The following B3GALT1 variants were observed in gnomAD, a reference collection of about 807,000 sequenced individuals.
The protein encoded by B3GALT1 is UDP-Gal:betaGlcNAc beta 1,3-galactosyltransferase, polypeptide 1.
A neutral mutation model predicts 23.2 loss-of-function variants in B3GALT1; 10 were observed. That is an observed-to-expected ratio of 0.43 (90% CI 0.27 to 0.73). The LOEUF is 0.73. B3GALT1 is among the 30% of genes least tolerant of loss of function. B3GALT1 has a pLI of 0.21. For missense variants in B3GALT1, 299 were observed against 405.4 expected (o/e 0.74, Z 2.25); for synonymous variants, 156 against 141.5 (o/e 1.10, Z -0.73).
At chr2:167,407,343 C>T (rs2105292783) in intron 1 of B3GALT1, among the ~76,000 whole-genome samples, 1 of 151,986 alleles carries the variant, frequency 6.6e-6, no homozygotes, top group African/African-American at 2.4e-5. Context: ...AGCAAAGCAG[C>T]ACTAAGAGCG....
intron 4 of B3GALT1, among the ~76,000 whole-genome samples, chr2:167,859,199 T>C (rs1690054237): frequency 6.6e-6 from 1 of 152,146 alleles, no homozygotes; most frequent in South Asian, 2.1e-4. Context: ...TAGGCTCTAA[T>C]GATTAAATAA....
chr2:167,809,807 AG>A (rs1185116703), intron 3 of B3GALT1, among the ~76,000 whole-genome samples: 1 of 151,980 alleles, frequency 6.6e-6, no homozygotes, highest in Non-Finnish European at 1.5e-5. Flanking sequence ...ACTCTCTTCA[AG>A]GCTGTCAGAC....
intron 3 of B3GALT1, among the ~76,000 whole-genome samples, chr2:167,657,269 AT>A (rs1265723081): frequency 1.3e-5 from 2 of 152,240 alleles, no homozygotes; most frequent in African/African-American, 2.4e-5. Flanking sequence ...CTAGGGAATT[AT>A]CAGTTTTTGA....
intron 3 of B3GALT1, among the ~76,000 whole-genome samples, chr2:167,812,978 C>CA: frequency 8.2e-6 from 1 of 121,880 alleles, no homozygotes; most frequent in Middle Eastern, 4.4e-3. Flanking sequence ...CACACACACA[C>CA]GCACCACCAC....
At chr2:167,525,774 A>ATTT (rs58757694) in intron 2 of B3GALT1, among the ~76,000 whole-genome samples, 2 of 145,192 alleles carry the variant, frequency 1.4e-5, no homozygotes. Flanking sequence ...CACCTGGCTA[A>ATTT]TTTTTTTTTT....
At chr2:167,446,160 ATTCTT>A (rs1402696976) in intron 1 of B3GALT1, among the ~76,000 whole-genome samples, 1 of 152,198 alleles carries the variant, frequency 6.6e-6, no homozygotes, top group Admixed American at 6.5e-5. Context: ...TGGGTTGAAA[ATTCTT>A]TTCTTTAAGA....
chr2:167,849,474 G>A (rs1485783435), intron 4 of B3GALT1, among the ~76,000 whole-genome samples: 1 of 152,108 alleles, frequency 6.6e-6, no homozygotes, highest in Non-Finnish European at 1.5e-5. Flanking sequence ...AAAATATGAA[G>A]TGAGGAAAGG....
intron 1 of B3GALT1, among the ~76,000 whole-genome samples, chr2:167,376,374 A>G (rs1411899863): frequency 6.6e-6 from 1 of 151,996 alleles, no homozygotes; most frequent in African/African-American, 2.4e-5. Flanking sequence ...TAAGTTAGGG[A>G]GGAGTCCCTT....
At chr2:167,452,844 C>G (rs1397129424) in intron 1 of B3GALT1, among the ~76,000 whole-genome samples, 1 of 152,116 alleles carries the variant, frequency 6.6e-6, no homozygotes, top group Non-Finnish European at 1.5e-5. Context: ...TTTAATATAA[C>G]TCTGGTTCTT....
chr2:167,782,760 T>C (rs1431904336), intron 3 of B3GALT1, among the ~76,000 whole-genome samples: 1 of 152,216 alleles, frequency 6.6e-6, no homozygotes, highest in African/African-American at 2.4e-5. Flanking sequence ...AAACATGATT[T>C]CTAAAAACCT....
intron 4 of B3GALT1, among the ~76,000 whole-genome samples, chr2:167,838,411 A>C (rs1191553985): frequency 6.6e-6 from 1 of 152,284 alleles, no homozygotes; most frequent in Non-Finnish European, 1.5e-5. Flanking sequence ...CTACGGAAAT[A>C]AACTAGAAAA....
intron 1 of B3GALT1, among the ~76,000 whole-genome samples, chr2:167,439,146 A>G (rs181374016): frequency 5.3e-5 from 8 of 152,310 alleles, no homozygotes; most frequent in Admixed American, 5.2e-4. Context: ...CGTCCTAAGT[A>G]GAGTTTGCCT....
intron 3 of B3GALT1, among the ~76,000 whole-genome samples, chr2:167,738,638 T>A (rs1483781031): frequency 6.6e-6 from 1 of 152,134 alleles, no homozygotes; most frequent in Non-Finnish European, 1.5e-5. Flanking sequence ...AACAAAAAAA[T>A]ACCATAAGAT....
chr2:167,657,247 G>A (rs576718560), intron 3 of B3GALT1, among the ~76,000 whole-genome samples: 10 of 152,178 alleles, frequency 6.6e-5, no homozygotes, highest in African/African-American at 2.4e-4. Flanking sequence ...TATTTGAGCT[G>A]AAGAATAAGA....
intron 2 of B3GALT1, among the ~76,000 whole-genome samples, chr2:167,581,587 G>A (rs1684484060): frequency 6.6e-6 from 1 of 152,182 alleles, no homozygotes; most frequent in South Asian, 2.1e-4. Context: ...GTGAACAAGT[G>A]TTTTCTGATT....
At chr2:167,713,536 G>A (rs1687094686) in intron 3 of B3GALT1, 1 of 683,740 alleles carries the variant, frequency 1.5e-6, no homozygotes, top group Non-Finnish European at 2.5e-6. Context: ...ATACTGTCCT[G>A]AGAACTGTAA....
intron 3 of B3GALT1, among the ~76,000 whole-genome samples, chr2:167,720,121 C>T (rs1303014328): frequency 6.6e-6 from 1 of 152,056 alleles, no homozygotes; most frequent in Non-Finnish European, 1.5e-5. Flanking sequence ...ACATAATGGG[C>T]TTTCTCAGTA....
At chr2:167,812,415 A>C (rs1027249935) in intron 3 of B3GALT1, among the ~76,000 whole-genome samples, 3 of 152,238 alleles carry the variant, frequency 2.0e-5, no homozygotes, top group African/African-American at 7.2e-5. Context: ...ATGAACAAGG[A>C]TCTATCCCAT....
intron 3 of B3GALT1, among the ~76,000 whole-genome samples, chr2:167,675,583 G>A (rs999153792): frequency 5.3e-5 from 8 of 152,108 alleles, no homozygotes; most frequent in Non-Finnish European, 8.8e-5. Flanking sequence ...ATTGGAATGG[G>A]AATTCAACTG....
Sources: allele counts gnomAD v4.1 joint callset (sites outside exome capture counted in the v4.1 genomes callset), GRCh38; gene constraint gnomAD v4.1.1; transcripts MANE v1.5; gene names NCBI Gene and HGNC (gene_info 2026-07-23, HGNC 2026-07-21).